Variants in NKAIN3 observed in about 807,000 individuals in gnomAD.
NKAIN3 encodes the protein sodium/potassium transporting ATPase interacting 3, also known as sodium/potassium-transporting ATPase subunit beta-1-interacting protein 3.
NKAIN3 carries 25 observed loss-of-function variants against 30.2 expected under a neutral mutation model. The observed-to-expected ratio is 0.83, with a 90% CI of 0.60 to 1.16. The LOEUF (loss-of-function observed/expected upper bound fraction) is 1.16, where lower values mean the gene tolerates loss of function less well. Ranked by LOEUF, NKAIN3 falls within the 50% of genes most tolerant of loss-of-function variation. NKAIN3 has a pLI of 0.00. For synonymous variants in NKAIN3, 91 were observed against 89.6 expected, an observed-to-expected ratio of 1.02 and a Z score of -0.09; for missense variants, 225 against 254.1, an observed-to-expected ratio of 0.89 and a Z score of 0.78.
intron 1 of NKAIN3, among the ~76,000 whole-genome samples, chr8:62,319,966 T>C (rs1311354910): frequency 1.3e-5 from 2 of 152,166 alleles, no homozygotes; most frequent in East Asian, 3.8e-4. Context: ...TGTGGTAGTC[T>C]AAGTCTCTTT....
intron 4 of NKAIN3, among the ~76,000 whole-genome samples, chr8:62,825,413 G>GT (rs1818988890): frequency 6.6e-6 from 1 of 152,116 alleles, no homozygotes; most frequent in African/African-American, 2.4e-5. Flanking sequence ...TATTGAAAAT[G>GT]TTTTTGTTCT....
At chr8:62,845,674 C>A (rs1301214951) in intron 4 of NKAIN3, among the ~76,000 whole-genome samples, 1 of 152,068 alleles carries the variant, frequency 6.6e-6, no homozygotes, top group East Asian at 1.9e-4. Context: ...ATAGGCCATA[C>A]AGACATGCAG....
At chr8:62,263,125 A>G (rs1812494441) in intron 1 of NKAIN3, among the ~76,000 whole-genome samples, 1 of 152,218 alleles carries the variant, frequency 6.6e-6, no homozygotes, top group Admixed American at 6.5e-5. Flanking sequence ...TTAGAGGACC[A>G]CATCAAGGCT....
At chr8:62,661,279 G>A (rs1393068334) in intron 3 of NKAIN3, among the ~76,000 whole-genome samples, 2 of 152,088 alleles carry the variant, frequency 1.3e-5, no homozygotes, top group Non-Finnish European at 2.9e-5. Context: ...TGATCATGAG[G>A]TTGGTAATGC....
At chr8:62,458,276 G>A (rs774914099) in intron 1 of NKAIN3, among the ~76,000 whole-genome samples, 1 of 152,144 alleles carries the variant, frequency 6.6e-6, no homozygotes, top group Non-Finnish European at 1.5e-5. Flanking sequence ...CAAACCTAAG[G>A]AGTAAGGAAA....
At chr8:62,927,411 G>A (rs535062441) in intron 5 of NKAIN3, among the ~76,000 whole-genome samples, 2 of 152,228 alleles carry the variant, frequency 1.3e-5, no homozygotes, top group South Asian at 2.1e-4. Flanking sequence ...TTAATATCTA[G>A]TGTTCAATAG....
At chr8:62,408,313 C>G (rs1290715083) in intron 1 of NKAIN3, among the ~76,000 whole-genome samples, 1 of 152,076 alleles carries the variant, frequency 6.6e-6, no homozygotes, top group African/African-American at 2.4e-5. Flanking sequence ...ATACATCCAT[C>G]TAGGGCCAAT....
chr8:62,287,071 TC>T lies in NKAIN3; in HGVS notation c.54+37946del, dbSNP rs1201792692. Among the ~76,000 whole-genome samples the T allele has an allele frequency of 2.0e-5, 3 of 150,206 alleles. No homozygotes were observed. In the South Asian group the frequency reaches 6.4e-4, roughly 32 times the overall value. ...CTGCATGGCTCAGACAATGGGACAT[TC>T]CTTTATATCCATGCCCTGATTTTTG... is the stretch of plus-strand genomic sequence containing the variant. On this transcript the variant is annotated intron_variant, in intron 1 of 6. Transcript: ENST00000623646.
intron 4 of NKAIN3, among the ~76,000 whole-genome samples, chr8:62,827,040 G>T (rs1259344451): frequency 6.6e-6 from 1 of 152,142 alleles, no homozygotes; most frequent in African/African-American, 2.4e-5. Flanking sequence ...TTTTACAAAG[G>T]TAAATAATAG....
chr8:62,809,614 G>T (rs1430030616), intron 4 of NKAIN3, among the ~76,000 whole-genome samples: 1 of 152,106 alleles, frequency 6.6e-6, no homozygotes, highest in East Asian at 1.9e-4. Context: ...TTCTTAAGTG[G>T]TTACACTACT....
chr8:62,459,087 G>A (rs1034342638), intron 1 of NKAIN3, among the ~76,000 whole-genome samples: 10 of 149,834 alleles, frequency 6.7e-5, no homozygotes, highest in African/African-American at 2.4e-4. Context: ...TAGCAAGTTT[G>A]GGCTATTAGA....
intron 5 of NKAIN3, chr8:62,990,140 T>A (rs1824291487): frequency 9.4e-7 from 1 of 1,059,642 alleles, no homozygotes; most frequent in Non-Finnish European, 1.4e-6. Flanking sequence ...GTTGATATTT[T>A]AAAAATCAAC....
At position 62,926,166 on chromosome 8, in the gene NKAIN3, A is replaced by G. The variant is rs77683483; in HGVS notation, c.532+7653A>G. The stretch of plus-strand genomic sequence containing the variant: ...CCTCGTGACACCCTGGATGCACAGC[A>G]AAGAAAAAAATGGACTGTAAGGATT... On this transcript the variant is annotated intron_variant, in intron 5 of 6. Transcript: ENST00000623646. 9.6e-3 allele frequency among the ~76,000 whole-genome samples: 1,457 copies of G among 152,336 alleles called. 15 individuals carry two copies. Among genetic ancestry groups the G allele is most frequent in the South Asian group, 0.045 (218 of 4,830 alleles).
At chr8:62,460,193 T>C (rs1035416301) in intron 1 of NKAIN3, among the ~76,000 whole-genome samples, 3 of 151,640 alleles carry the variant, frequency 2.0e-5, no homozygotes, top group African/African-American at 7.3e-5. Context: ...CAGTGGATCA[T>C]CTGAGGTCAG....
intron 2 of NKAIN3, among the ~76,000 whole-genome samples, chr8:62,585,058 G>T (rs1036349460): frequency 6.6e-6 from 1 of 152,116 alleles, no homozygotes; most frequent in Non-Finnish European, 1.5e-5. Flanking sequence ...GAATGGACAG[G>T]GACTTTTTTA....
chr8:62,612,995 T>C (rs893341356), intron 3 of NKAIN3, among the ~76,000 whole-genome samples: 8 of 152,018 alleles, frequency 5.3e-5, no homozygotes, highest in Non-Finnish European at 8.8e-5. Context: ...GTTGTTGTGG[T>C]TATTATTTTT....
intron 1 of NKAIN3, among the ~76,000 whole-genome samples, chr8:62,464,535 T>A (rs1806095555): frequency 1.3e-5 from 2 of 152,206 alleles, no homozygotes; most frequent in South Asian, 4.1e-4. Context: ...TATTGCCTGA[T>A]AGAAGCGTAG....
At chr8:62,786,739 G>A (rs1372636427) in intron 4 of NKAIN3, among the ~76,000 whole-genome samples, 3 of 152,118 alleles carry the variant, frequency 2.0e-5, no homozygotes, top group Non-Finnish European at 4.4e-5. Context: ...AGCAACATAA[G>A]CTTTTACCCT....
chr8:62,276,331 G>A (rs1367314450), intron 1 of NKAIN3, among the ~76,000 whole-genome samples: 2 of 152,132 alleles, frequency 1.3e-5, no homozygotes, highest in African/African-American at 4.8e-5. Context: ...CTCCCAAATT[G>A]CTGGGATTAC....
Sources: allele counts gnomAD v4.1 joint callset (sites outside exome capture counted in the v4.1 genomes callset), GRCh38; gene constraint gnomAD v4.1.1; transcripts MANE v1.5; gene names NCBI Gene and HGNC (gene_info 2026-07-23, HGNC 2026-07-21).